Variants in ATP8A2 observed in about 807,000 individuals in gnomAD.
ATP8A2 encodes the protein ATPase phospholipid transporting 8A2, also known as phospholipid-transporting ATPase IB.
ATP8A2 carries 100 observed loss-of-function variants against 165.6 expected under a neutral mutation model. The observed-to-expected ratio is 0.60, with a 90% CI of 0.51 to 0.71. ATP8A2 has a LOEUF of 0.71. ATP8A2 is among the 30% of genes least tolerant of loss of function. The probability of loss-of-function intolerance (pLI) is 0.00; values close to 1 mark genes in which losing one functional copy is unlikely to be tolerated. For synonymous variants in ATP8A2, 543 were observed against 548.8 expected, an observed-to-expected ratio of 0.99 and a Z score of 0.15; for missense variants, 1,227 against 1,479.5, an observed-to-expected ratio of 0.83 and a Z score of 2.80.
chr13:25,453,967 G>A (rs2035295326), intron 1 of ATP8A2, among the ~76,000 whole-genome samples: 7 of 152,172 alleles, frequency 4.6e-5, no homozygotes, highest in Admixed American at 4.6e-4. Flanking sequence ...ACTGATGAGT[G>A]GGGAGGGCTG....
intron 2 of ATP8A2, among the ~76,000 whole-genome samples, chr13:25,469,572 CACG>C (rs953699163): frequency 6.6e-6 from 1 of 152,102 alleles, no homozygotes; most frequent in South Asian, 2.1e-4. Context: ...CTCAGTGGTC[CACG>C]ACAATTGTTA....
At chr13:25,935,267 A>T (rs531810218) in intron 33 of ATP8A2, among the ~76,000 whole-genome samples, 1 of 152,306 alleles carries the variant, frequency 6.6e-6, no homozygotes, top group South Asian at 2.1e-4. Context: ...TTTCGGATTC[A>T]TAATCACTCA....
At chr13:25,874,197 C>T (rs759357199) in intron 33 of ATP8A2, among the ~76,000 whole-genome samples, 1 of 152,204 alleles carries the variant, frequency 6.6e-6, no homozygotes, top group Non-Finnish European at 1.5e-5. Context: ...AGGCTTACCA[C>T]TGCTCCCTTT....
intron 1 of ATP8A2, among the ~76,000 whole-genome samples, chr13:25,464,300 C>T (rs1225498754): frequency 6.6e-6 from 1 of 152,034 alleles, no homozygotes; most frequent in Non-Finnish European, 1.5e-5. Context: ...CTGCATACTG[C>T]TTTACCACAC....
At chr13:25,794,699 T>A (rs1348892873) in intron 27 of ATP8A2, among the ~76,000 whole-genome samples, 1 of 152,108 alleles carries the variant, frequency 6.6e-6, no homozygotes, top group Admixed American at 6.6e-5. Context: ...TAAAAATAAA[T>A]AAGAAACAGA....
chr13:25,912,171 C>G (rs1032442742), intron 33 of ATP8A2, among the ~76,000 whole-genome samples: 1 of 145,950 alleles, frequency 6.9e-6, no homozygotes, highest in African/African-American at 2.7e-5. Flanking sequence ...CACACACACA[C>G]ACACACACAC....
chr13:25,542,384 ATTTT>A (rs61662955), intron 9 of ATP8A2, among the ~76,000 whole-genome samples: 1 of 135,132 alleles, frequency 7.4e-6, no homozygotes. Context: ...GTGTATGTGT[ATTTT>A]TTTTTTTTTT....
intron 27 of ATP8A2, among the ~76,000 whole-genome samples, chr13:25,806,677 G>C (rs1003476499): frequency 1.3e-5 from 2 of 152,086 alleles, no homozygotes; most frequent in African/African-American, 4.8e-5. Flanking sequence ...TAGGTATTCA[G>C]TTCTCTTCAA....
At chr13:25,778,784 C>T (rs1209244882) in intron 27 of ATP8A2, among the ~76,000 whole-genome samples, 1 of 152,198 alleles carries the variant, frequency 6.6e-6, no homozygotes, top group African/African-American at 2.4e-5. Context: ...CAACTGTCAC[C>T]AGCCTCCTCT....
chr13:25,614,752 C>T (rs2040778105), intron 24 of ATP8A2, among the ~76,000 whole-genome samples: 2 of 152,158 alleles, frequency 1.3e-5, no homozygotes, highest in African/African-American at 4.8e-5. Context: ...GAGACCTGAA[C>T]TGCAGTTATT....
rs1287072620 is a variant in ATP8A2, at chr13:25,953,359, C to T, written c.3184-8216C>T. On this transcript the variant is annotated intron_variant, in intron 33 of 36. Transcript: ENST00000381655. This position sits in a 1 kb window ranked among gnomAD's most constrained non-coding sequence, Gnocchi z 6.7. ...GGGACGGGGGGGATTAAATAAAATGCTTTATGGGAAGTTCTGGCACAGAGT... is the reference window on the plus strand; with the variant it reads ...GGGACGGGGGGGATTAAATAAAATGTTTTATGGGAAGTTCTGGCACAGAGT... 6.6e-6 allele frequency among the ~76,000 whole-genome samples: 1 copy of T among 151,616 alleles called. No homozygotes were observed. The highest frequency in any genetic ancestry group is 1.9e-4 in the East Asian group (1 of 5,148).
intron 7 of ATP8A2, among the ~76,000 whole-genome samples, chr13:25,539,932 G>A (rs544175565): frequency 6.6e-6 from 1 of 152,266 alleles, no homozygotes; most frequent in South Asian, 2.1e-4. Context: ...TGTTTCTACT[G>A]GCCATGCCTT....
chr13:25,504,455 G>C (rs2036960698), intron 2 of ATP8A2, among the ~76,000 whole-genome samples: 1 of 133,702 alleles, frequency 7.5e-6, no homozygotes, highest in Non-Finnish European at 1.5e-5. Context: ...AAAGTATACA[G>C]TGCGGCCGGG....
At chr13:25,753,113 C>T (rs1172849160) in intron 25 of ATP8A2, among the ~76,000 whole-genome samples, 1 of 152,166 alleles carries the variant, frequency 6.6e-6, no homozygotes, top group South Asian at 2.1e-4. Flanking sequence ...AAGGGACAGA[C>T]AGGGCAGAGT....
intron 27 of ATP8A2, among the ~76,000 whole-genome samples, chr13:25,789,596 A>G (rs2045115822): frequency 6.6e-6 from 1 of 152,346 alleles, no homozygotes; most frequent in Non-Finnish European, 1.5e-5. Flanking sequence ...ACACAAACAA[A>G]TGGAAAAACA....
At chr13:25,983,258 T>G (rs1020107811) in intron 35 of ATP8A2, among the ~76,000 whole-genome samples, 11 of 152,170 alleles carry the variant, frequency 7.2e-5, no homozygotes, top group Admixed American at 7.2e-4. Flanking sequence ...TTTCATTTAC[T>G]TACACCATGA....
chr13:25,597,014 A>G (rs2040253727), intron 24 of ATP8A2, among the ~76,000 whole-genome samples: 1 of 152,142 alleles, frequency 6.6e-6, no homozygotes, highest in Non-Finnish European at 1.5e-5. Flanking sequence ...ATGACTAATC[A>G]TGTTGATTTT....
At chr13:25,429,829 G>C (rs189580887) in intron 1 of ATP8A2, among the ~76,000 whole-genome samples, 83 of 152,302 alleles carry the variant, frequency 5.4e-4, no homozygotes, top group African/African-American at 1.6e-3. Flanking sequence ...CCAGGGCTTG[G>C]AGCCAGGGGT....
chr13:25,531,281 T>TATATATGTTATATATGA (rs2038057031), intron 4 of ATP8A2, among the ~76,000 whole-genome samples: 1 of 27,578 alleles, frequency 3.6e-5, no homozygotes, highest in Non-Finnish European at 1.2e-4. Context: ...GATATATATG[T>TATATATGTTATATATGA]TATATATGAT....
Sources: gnomAD v4.1 joint callset for allele counts (sites outside exome capture counted in the v4.1 genomes callset) on GRCh38, gnomAD v4.1.1 for gene constraint, Gnocchi (gnomAD v3.1) non-coding constraint, MANE v1.5 for transcripts, NCBI Gene and HGNC (gene_info 2026-07-23, HGNC 2026-07-21) for gene names.